The following MAP3K7CL variants were observed in gnomAD, a reference collection of about 807,000 sequenced individuals.
The protein encoded by MAP3K7CL is MAP3K7 C-terminal-like protein.
Under a neutral mutation model 18.6 loss-of-function variants are expected in MAP3K7CL, and 16 were observed. The ratio of observed to expected loss-of-function variants is 0.86; its 90% CI spans 0.58 to 1.31. MAP3K7CL has a LOEUF of 1.31. MAP3K7CL is among the 50% of genes most tolerant of loss of function. The pLI is 0.00. For synonymous variants in MAP3K7CL, 65 were observed against 66.8 expected (o/e 0.97, Z 0.13); for missense variants, 163 against 174.4 (o/e 0.93, Z 0.37).
intron 1 of MAP3K7CL, among the ~76,000 whole-genome samples, chr21:29,087,686 G>A (rs1034111836): frequency 1.3e-5 from 2 of 149,074 alleles, no homozygotes; most frequent in Admixed American, 6.8e-5. Context: ...CTCCGCCTCC[G>A]GGGTTCAAAC....
intron 2 of MAP3K7CL, among the ~76,000 whole-genome samples, chr21:29,142,632 A>C (rs991791508): frequency 6.6e-6 from 1 of 152,222 alleles, no homozygotes; most frequent in Non-Finnish European, 1.5e-5. Flanking sequence ...CCCTGTCTCC[A>C]CATTACTCCT....
intron 2 of MAP3K7CL, among the ~76,000 whole-genome samples, chr21:29,143,336 T>C (rs1396168996): frequency 1.3e-5 from 2 of 152,024 alleles, no homozygotes; most frequent in Admixed American, 1.3e-4. Flanking sequence ...TGTGTTCTGC[T>C]TGGGGAGTGG....
intron 4 of MAP3K7CL, among the ~76,000 whole-genome samples, chr21:29,165,370 G>A (rs1311274795): frequency 6.6e-6 from 1 of 151,932 alleles, no homozygotes; most frequent in Non-Finnish European, 1.5e-5. Context: ...TGGGGCACAG[G>A]TGGTGCTTGG....
At chr21:29,144,512 G>T (rs2087082787) in intron 2 of MAP3K7CL, among the ~76,000 whole-genome samples, 1 of 152,214 alleles carries the variant, frequency 6.6e-6, no homozygotes. Flanking sequence ...ACGAGTCTGA[G>T]AACCTATGGA....
chr21:29,094,028 T>C (rs1038728509), intron 4 of MAP3K7CL, among the ~76,000 whole-genome samples: 3 of 152,264 alleles, frequency 2.0e-5, no homozygotes, highest in Admixed American at 1.3e-4. Flanking sequence ...AATATCATTT[T>C]TGTAAGTTTA....
intron 4 of MAP3K7CL, among the ~76,000 whole-genome samples, chr21:29,160,417 G>C (rs1050585246): frequency 6.6e-6 from 1 of 152,242 alleles, no homozygotes; most frequent in Non-Finnish European, 1.5e-5. Flanking sequence ...CACATCACGT[G>C]AAGAAGCCAC....
intron 2 of MAP3K7CL, 31 bp downstream of exon 2, chr21:29,133,445 CCTT>C (rs1198320347): frequency 6.9e-7 from 1 of 1,457,222 alleles, no homozygotes; most frequent in Non-Finnish European, 9.3e-7. Flanking sequence ...AGGATTGTTT[CCTT>C]CATACCCCAC....
Position 29,159,967 on chromosome 21 carries a change from G to A in MAP3K7CL, c.159G>A (p.Glu53=). The A allele has an allele frequency of 6.2e-7, 1 of 1,613,836 alleles. No homozygotes were observed. The highest frequency in any genetic ancestry group is 2.2e-5 in the East Asian group (1 of 44,846). ...LQPLPPCHDS[E]ESMEVFKQHC... ...CCCTGCCGCCTTGTCATGACTCCGA[G>A]GAATCCATGGAGGTGTTCAAACAGC... Residue 53 remains glutamate, a synonymous_variant, in exon 4 of 5, where the codon GAG becomes GAA. Coordinates refer to ENST00000399928, the MANE Select transcript of MAP3K7CL (RefSeq NM_001286620.2).
chr21:29,094,536 T>C (rs2086087050), intron 4 of MAP3K7CL, among the ~76,000 whole-genome samples: 1 of 152,272 alleles, frequency 6.6e-6, no homozygotes, highest in South Asian at 2.1e-4. Flanking sequence ...TGGGTCGCTT[T>C]GATAGACTAC....
chr21:29,122,434 G>A (rs2086610860), intron 4 of MAP3K7CL, among the ~76,000 whole-genome samples: 1 of 152,184 alleles, frequency 6.6e-6, no homozygotes, highest in Admixed American at 6.5e-5. Context: ...TCAGTGTCCA[G>A]GAAGAATCAG....
intron 2 of MAP3K7CL, among the ~76,000 whole-genome samples, chr21:29,147,118 G>T (rs888980865): frequency 6.6e-6 from 1 of 152,014 alleles, no homozygotes; most frequent in African/African-American, 2.4e-5. Context: ...ATTTAAAATA[G>T]CTTTGGTTTT....
At chr21:29,092,661 T>C (rs755821012) in intron 4 of MAP3K7CL, 22 of 1,543,208 alleles carry the variant, frequency 1.4e-5, no homozygotes, top group Non-Finnish European at 1.9e-5. Flanking sequence ...CTAAGGCTGG[T>C]TGGGCAGCAC....
intron 4 of MAP3K7CL, among the ~76,000 whole-genome samples, chr21:29,103,700 A>C (rs2086272343): frequency 6.6e-6 from 1 of 151,536 alleles, no homozygotes; most frequent in Non-Finnish European, 1.5e-5. Flanking sequence ...GTGCCACTGC[A>C]CTCCAGCCTG....
intron 4 of MAP3K7CL, among the ~76,000 whole-genome samples, chr21:29,094,953 G>C (rs2086094379): frequency 3.9e-5 from 6 of 152,106 alleles, no homozygotes. Context: ...CAGCTACTTG[G>C]AGGCTGATGT....
upstream of MAP3K7CL, among the ~76,000 whole-genome samples, chr21:29,130,284 A>C (rs1234530000): frequency 2.0e-5 from 3 of 152,202 alleles, no homozygotes; most frequent in African/African-American, 7.2e-5. Context: ...GAATGAATCG[A>C]GTCATCAAGC....
At chr21:29,133,663 T>G (rs1419207796) in intron 2 of MAP3K7CL, among the ~76,000 whole-genome samples, 1 of 152,334 alleles carries the variant, frequency 6.6e-6, no homozygotes, top group East Asian at 1.9e-4. Context: ...ATTCTAGCTT[T>G]CTTTTAGAAT....
chr21:29,101,094 C>T (rs960069349), intron 4 of MAP3K7CL, among the ~76,000 whole-genome samples: 5 of 151,718 alleles, frequency 3.3e-5, no homozygotes, highest in East Asian at 1.9e-4. Flanking sequence ...AGCTACCGCG[C>T]GTGGCCGCAA....
At chr21:29,092,535 G>A in exon 4 of MAP3K7CL, 2 of 1,614,232 alleles carry the variant, frequency 1.2e-6, no homozygotes, top group Non-Finnish European at 1.7e-6. Flanking sequence ...TCACTCTGAA[G>A]CCAAAGTCTA....
chr21:29,086,580 C>A (rs1243560313), intron 1 of MAP3K7CL, among the ~76,000 whole-genome samples: 1 of 152,170 alleles, frequency 6.6e-6, no homozygotes, highest in Non-Finnish European at 1.5e-5. Context: ...CCGTGATGAG[C>A]AGTGCTGGCC....
Sources: allele counts gnomAD v4.1 joint callset (sites outside exome capture counted in the v4.1 genomes callset), GRCh38; gene constraint gnomAD v4.1.1; transcripts MANE v1.5; gene names NCBI Gene and HGNC (gene_info 2026-07-23, HGNC 2026-07-21).